Variants in SLC30A6 observed in about 807,000 individuals in gnomAD.
SLC30A6 encodes zinc transporter 6.
Under a neutral mutation model 63.0 loss-of-function variants are expected in SLC30A6, and 55 were observed. The ratio of observed to expected loss-of-function variants is 0.87; its 90% CI spans 0.70 to 1.09. The LOEUF is 1.09. Among genes scored for constraint, SLC30A6 ranks in the 50% least tolerant of loss-of-function variants. SLC30A6 has a pLI of 0.00. For synonymous variants in SLC30A6, 224 were observed against 186.1 expected (o/e 1.20, Z -1.66); for missense variants, 587 against 549.2 (o/e 1.07, Z -0.69).
intron 10 of SLC30A6, chr2:32,201,903 T>C: frequency 6.8e-7 from 1 of 1,477,382 alleles, no homozygotes; most frequent in East Asian, 2.3e-5. Flanking sequence ...CCAAAAAAAT[T>C]AAAATGAAAG....
At chr2:32,196,794 C>T (rs994339313) in intron 8 of SLC30A6, among the ~76,000 whole-genome samples, 2 of 152,148 alleles carry the variant, frequency 1.3e-5, no homozygotes, top group Non-Finnish European at 2.9e-5. Context: ...GGCATGGTGG[C>T]TCACACCTGT....
intron 1 of SLC30A6, among the ~76,000 whole-genome samples, chr2:32,167,590 C>T (rs1336480499): frequency 6.6e-6 from 1 of 152,026 alleles, no homozygotes; most frequent in African/African-American, 2.4e-5. Flanking sequence ...ATGAACCTTT[C>T]CCTCATGTTC....
chr2:32,194,694 A>T (rs748885062), intron 8 of SLC30A6, among the ~76,000 whole-genome samples: 7 of 152,180 alleles, frequency 4.6e-5, no homozygotes, highest in Non-Finnish European at 8.8e-5. Flanking sequence ...TCACTCTAGG[A>T]TAGTCAAGAG....
chr2:32,204,164 A>G (rs964515678), intron 10 of SLC30A6, among the ~76,000 whole-genome samples: 8 of 152,200 alleles, frequency 5.3e-5, no homozygotes, highest in Non-Finnish European at 7.3e-5. Context: ...TTGTAAACAG[A>G]TCTACTTACC....
At chr2:32,203,347 T>C in intron 10 of SLC30A6, 2 of 928,336 alleles carry the variant, frequency 2.2e-6, no homozygotes, top group Non-Finnish European at 3.6e-6. Flanking sequence ...GTGTAGGTAT[T>C]CCTTCTACAA....
chr2:32,202,288 G>A (rs148749808), intron 10 of SLC30A6: 5,943 of 496,368 alleles, frequency 0.012, 104 homozygotes, highest in South Asian at 0.039. Flanking sequence ...TCTATTTTGC[G>A]ATCCCTTTGA....
intron 13 of SLC30A6, among the ~76,000 whole-genome samples, chr2:32,219,037 A>G (rs1460688198): frequency 6.6e-6 from 1 of 152,046 alleles, no homozygotes; most frequent in Non-Finnish European, 1.5e-5. Context: ...TTACCTACCT[A>G]TCATTTTTCT....
At position 32,175,345 on chromosome 2, in the gene SLC30A6, A is replaced by AT. The variant is rs759660570; in HGVS notation, c.207dup (p.Asp70Ter). The AT allele has an allele frequency of 6.8e-6, 11 of 1,611,488 alleles. No individual in the cohort carries two copies. In the Admixed American group the frequency reaches 1.8e-4, roughly 27 times the overall value. ...TTTAACTGCCTATACTTACCTGACCATTTTTGATCTTTTTAGGTAAGTTTT... is the reference window on the plus strand; with the variant it reads ...TTTAACTGCCTATACTTACCTGACCATTTTTTGATCTTTTTAGGTAAGTTTT... On this transcript the variant is annotated frameshift_variant, in exon 4 of 14. Transcript: ENST00000282587. LOFTEE classifies it high-confidence loss of function.
chr2:32,201,031 CTT>C (rs1242310273), intron 10 of SLC30A6, among the ~76,000 whole-genome samples: 1 of 152,148 alleles, frequency 6.6e-6, no homozygotes, highest in Non-Finnish European at 1.5e-5. Context: ...ACTTGCCTAT[CTT>C]TGAAGTCTCT....
chr2:32,180,996 T>C (rs1558381808), intron 4 of SLC30A6, among the ~76,000 whole-genome samples: 1 of 152,212 alleles, frequency 6.6e-6, no homozygotes, highest in Non-Finnish European at 1.5e-5. Context: ...CATTTAGAGC[T>C]TCACTAATAT....
chr2:32,177,944 A>ATT (rs1042062133), intron 4 of SLC30A6, among the ~76,000 whole-genome samples: 61 of 120,452 alleles, frequency 5.1e-4, no homozygotes, highest in Non-Finnish European at 6.9e-4. Flanking sequence ...TTTTGAGTTA[A>ATT]TTTTTTTTTT....
At chr2:32,210,527 A>C (rs1685169121) in intron 13 of SLC30A6, among the ~76,000 whole-genome samples, 1 of 151,370 alleles carries the variant, frequency 6.6e-6, no homozygotes. Context: ...AAAAAAAAAA[A>C]AAAAAAAAAA....
chr2:32,208,772 C>T, intron 12 of SLC30A6, among the ~76,000 whole-genome samples: 1 of 152,158 alleles, frequency 6.6e-6, no homozygotes, highest in East Asian at 1.9e-4. Context: ...CCTCAGCCTC[C>T]CAAAGTACTG....
intron 1 of SLC30A6, among the ~76,000 whole-genome samples, chr2:32,166,643 C>G (rs936330473): frequency 6.6e-6 from 1 of 152,138 alleles, no homozygotes; most frequent in East Asian, 1.9e-4. Flanking sequence ...TGGCGTGTGC[C>G]TTTTGAAAAT....
chr2:32,216,688 T>C (rs1685740809), intron 13 of SLC30A6, among the ~76,000 whole-genome samples: 1 of 152,084 alleles, frequency 6.6e-6, no homozygotes, highest in Non-Finnish European at 1.5e-5. Flanking sequence ...TTTTTCATGC[T>C]TCTTGGCCAC....
intron 10 of SLC30A6, among the ~76,000 whole-genome samples, chr2:32,200,740 G>A (rs902851810): frequency 1.3e-5 from 2 of 151,874 alleles, no homozygotes; most frequent in Non-Finnish European, 2.9e-5. Context: ...AGAGACCTTT[G>A]TTCACTTGTT....
chr2:32,169,105 A>G (rs1446906260), intron 1 of SLC30A6, among the ~76,000 whole-genome samples: 1 of 152,184 alleles, frequency 6.6e-6, no homozygotes, highest in Non-Finnish European at 1.5e-5. Context: ...ATAATTCTTT[A>G]AGAAAAGAAT....
rs78294683 is a variant in SLC30A6 at position 32,191,138 on chromosome 2, C to T, written c.285-1198C>T. On this transcript the variant is annotated intron_variant, in intron 5 of 13. Transcript: ENST00000282587. Reference sequence around the variant, plus strand: ...TCAAGGTTATCTTTGCCTTCCTTCACATTTTGCAGTTCCATATGCATTTTA... The same window carrying T: ...TCAAGGTTATCTTTGCCTTCCTTCATATTTTGCAGTTCCATATGCATTTTA... 3.2e-3 allele frequency among the ~76,000 whole-genome samples: 486 copies of T among 152,292 alleles called. 13 individuals are homozygous for T. The East Asian group carries it at 0.068, about 21-fold the overall frequency.
At chr2:32,199,931 A>G (rs895914247) in intron 10 of SLC30A6, among the ~76,000 whole-genome samples, 1 of 152,140 alleles carries the variant, frequency 6.6e-6, no homozygotes, top group African/African-American at 2.4e-5. Flanking sequence ...CCTGGCCAAC[A>G]TGGCAAAACC....
Sources: allele counts gnomAD v4.1 joint callset (sites outside exome capture counted in the v4.1 genomes callset), GRCh38; gene constraint gnomAD v4.1.1; transcripts MANE v1.5; gene names NCBI Gene and HGNC (gene_info 2026-07-23, HGNC 2026-07-21).